ORC1: variants seen among roughly 807,000 people sequenced by gnomAD.
ORC1 encodes the protein origin recognition complex subunit 1.
In ORC1, 61 loss-of-function variants were observed where a neutral mutation model predicts 98.9. That is an observed-to-expected ratio of 0.62 (90% CI 0.50 to 0.76). The LOEUF (loss-of-function observed/expected upper bound fraction) is 0.76. Among genes scored for constraint, ORC1 ranks in the 30% least tolerant of loss-of-function variants. ORC1 has a pLI of 0.00. For missense variants in ORC1, 979 were observed against 1,072.2 expected (o/e 0.91, Z 1.21); for synonymous variants, 385 against 406.9 (o/e 0.95, Z 0.65).
In ORC1 at chr1:52,383,405, T is replaced by C. The variant is rs762619324; in HGVS notation, c.2013+15A>G. ...AGATCTGCAAGAACAGCATGGGAAC[T>C]GCCCTAGAACCTACCAGTCGGCTGG... On this transcript the variant is annotated intron_variant, in intron 13 of 16. Coordinates refer to ENST00000371568, the MANE Select transcript of ORC1 (RefSeq NM_004153.4). 9.9e-6 allele frequency: 16 copies of C among 1,612,114 alleles called. No homozygotes were observed. The highest frequency in any genetic ancestry group is 1.3e-5 in the Non-Finnish European group (15 of 1,179,974).
At chr1:52,375,642 G>T in intron 14 of ORC1, 43 bp from the exon 15 acceptor site, 23 of 1,592,068 alleles carry the variant, frequency 1.4e-5, no homozygotes, top group Non-Finnish European at 2.0e-5. Flanking sequence ...CCTTAGCCCA[G>T]AAGAACCAAG....
chr1:52,385,116 G>A lies in ORC1; in HGVS notation c.1583+45C>T, dbSNP rs188913003. On this transcript the variant is annotated intron_variant, in intron 10 of 16. Coordinates refer to ENST00000371568, the MANE Select transcript of ORC1 (RefSeq NM_004153.4). ...TAACACCCAAGGCATTCCACTAGCA[G>A]GGGCCTTATTCCCCAAACTACCCTG... The A allele has an allele frequency of 2.2e-4, 258 of 1,176,286 alleles. No homozygotes were observed. In the African/African-American group the frequency reaches 3.1e-3, roughly 14 times the overall value. The allele number at this position is 1,176,286 out of a possible 1,614,324, so 72.9% of individuals were successfully genotyped here.
chr1:52,382,136 G>A (rs778136832), intron 13 of ORC1, among the ~76,000 whole-genome samples: 3 of 151,566 alleles, frequency 2.0e-5, no homozygotes, highest in African/African-American at 7.3e-5. Context: ...CCACCACCAC[G>A]CCCAGCTAAT....
chr1:52,373,395 C>A lies in ORC1; in HGVS notation c.2392-20G>T. 1.2e-6 allele frequency: 2 copies of A among 1,605,596 alleles called. No homozygotes were observed. The highest frequency in any genetic ancestry group is 1.7e-6 in the Non-Finnish European group (2 of 1,172,754). ...ATATATCTAGACACAAATAGCAAGG[C>A]AAAGGTTAAGAGGAAATACAATCCT... On this transcript the variant is annotated intron_variant, in intron 16 of 16. Coordinates refer to ENST00000371568, the MANE Select transcript of ORC1 (RefSeq NM_004153.4).
At chr1:52,387,281 G>A (rs1360730614) in intron 8 of ORC1, among the ~76,000 whole-genome samples, 1 of 152,090 alleles carries the variant, frequency 6.6e-6, no homozygotes, top group Non-Finnish European at 1.5e-5. Context: ...GTGTGCAAGG[G>A]ATCTAGGTTG....
chr1:52,390,785 G>A (rs1051261107), intron 6 of ORC1, among the ~76,000 whole-genome samples: 3 of 151,838 alleles, frequency 2.0e-5, no homozygotes. Flanking sequence ...TCAGCTACTC[G>A]GGAGGCTGAG....
chr1:52,385,616 T>C (rs1010497424), intron 9 of ORC1, among the ~76,000 whole-genome samples: 2 of 152,220 alleles, frequency 1.3e-5, no homozygotes, highest in African/African-American at 2.4e-5. Flanking sequence ...GCGGAAATGA[T>C]GGCAGTAGAC....
intron 14 of ORC1, among the ~76,000 whole-genome samples, chr1:52,380,268 G>C (rs1197845222): frequency 6.6e-6 from 1 of 152,202 alleles, no homozygotes; most frequent in Non-Finnish European, 1.5e-5. Flanking sequence ...AGAGCCAGCT[G>C]TTTAATCTCC....
upstream of ORC1, chr1:52,404,825 C>A: frequency 6.2e-7 from 1 of 1,614,176 alleles, no homozygotes; most frequent in East Asian, 2.2e-5. Flanking sequence ...GAAGATCATT[C>A]GAACGCGAAT....
At chr1:52,395,813 C>T (rs887858244) in intron 5 of ORC1, among the ~76,000 whole-genome samples, 23 of 151,998 alleles carry the variant, frequency 1.5e-4, no homozygotes, top group Admixed American at 1.2e-3. Flanking sequence ...AAGACTCTGT[C>T]TCAAAAAACA....
intron 13 of ORC1, 23 bp downstream of exon 13, chr1:52,383,397 A>G (rs1289748981): frequency 1.9e-6 from 3 of 1,611,910 alleles, no homozygotes; most frequent in Non-Finnish European, 2.5e-6. Context: ...CAAGAACAGC[A>G]TGGGAACTGC....
intron 11 of ORC1, among the ~76,000 whole-genome samples, chr1:52,384,213 C>A (rs1431865341): frequency 2.0e-5 from 3 of 152,194 alleles, no homozygotes; most frequent in Non-Finnish European, 4.4e-5. Context: ...CTGGATGTTA[C>A]CTGCTCCAAA....
chr1:52,383,974 G>A, intron 11 of ORC1, 37 bp from the exon 12 acceptor site: 3 of 1,527,564 alleles, frequency 2.0e-6, no homozygotes, highest in Non-Finnish European at 1.8e-6. Context: ...GGAACTGTAA[G>A]GGTCTTACTC....
Position 52,397,700 on chromosome 1 carries a change from G to A in ORC1, c.387C>T (p.Ile129=), listed in dbSNP as rs886046400. 6.2e-6 allele frequency: 10 copies of A among 1,614,182 alleles called. No individual in the cohort carries two copies. The Middle Eastern group carries it at 4.9e-4, about 80-fold the overall frequency. Residue 129 remains isoleucine (I), a synonymous_variant, in exon 4 of 17, where the codon ATC becomes ATT. Transcript: ENST00000371568. ...ACDSNINAET[I]IGLVRVIPLA... ...CATCACCTACCCGAACAAGGCCAATGATGGTCTCCGCATTAATGTTGCTGT... is the reference window on the plus strand; with the variant it reads ...CATCACCTACCCGAACAAGGCCAATAATGGTCTCCGCATTAATGTTGCTGT...
chr1:52,382,124 G>A (rs1221174212), intron 13 of ORC1, among the ~76,000 whole-genome samples: 2 of 151,740 alleles, frequency 1.3e-5, no homozygotes, highest in African/African-American at 4.8e-5. Flanking sequence ...GACTACTGGT[G>A]CCCACCACCA....
intron 8 of ORC1, among the ~76,000 whole-genome samples, chr1:52,387,754 A>C (rs1647163226): frequency 6.6e-6 from 1 of 152,212 alleles, no homozygotes; most frequent in Non-Finnish European, 1.5e-5. Context: ...CACCATGCCC[A>C]GCCGAGATTT....
rs191601692 is a variant in ORC1, at chr1:52,379,404, C to T, written c.2133+2238G>A. On this transcript the variant is annotated intron_variant, in intron 14 of 16. Transcript: ENST00000371568. ...GAATACAGGCTCGTGCCACCACGCC[C>T]GGCTAATTTTTTGTATTTTTAGTAG... Among the ~76,000 whole-genome samples, 610 of 151,622 alleles carry T rather than the reference C, an allele frequency of 4.0e-3. 13 individuals carry two copies. In the South Asian group the frequency reaches 0.046, roughly 12 times the overall value.
chr1:52,384,064 A>G, intron 11 of ORC1, 127 bp from the exon 12 acceptor site: 1 of 751,454 alleles, frequency 1.3e-6, no homozygotes, highest in Non-Finnish European at 2.4e-6. Flanking sequence ...CTGCCTCCCA[A>G]TCTAGTCTTA....
At chr1:52,389,078 A>C (rs1475299561) in intron 7 of ORC1, 139 bp downstream of exon 7, 2 of 738,692 alleles carry the variant, frequency 2.7e-6, no homozygotes, top group Non-Finnish European at 4.8e-6. Flanking sequence ...TTTGAAACTT[A>C]ACATAATTCC....
Sources: allele counts gnomAD v4.1 joint callset (sites outside exome capture counted in the v4.1 genomes callset), GRCh38; gene constraint gnomAD v4.1.1; transcripts MANE v1.5; gene names NCBI Gene and HGNC (gene_info 2026-07-23, HGNC 2026-07-21).